Variants in KCNH1 observed in about 807,000 individuals in gnomAD.
KCNH1 encodes the protein voltage-gated delayed rectifier potassium channel KCNH1.
Under a neutral mutation model 69.2 loss-of-function variants are expected in KCNH1, and 27 were observed. That is an observed-to-expected ratio of 0.39 (90% CI 0.29 to 0.54). The LOEUF (loss-of-function observed/expected upper bound fraction) is 0.54. KCNH1 is among the 20% of genes least tolerant of loss of function. The probability of loss-of-function intolerance (pLI) is 0.68; values close to 1 mark genes in which losing one functional copy is unlikely to be tolerated. For missense variants in KCNH1, 798 were observed against 1,261.6 expected (o/e 0.63, Z 5.57); for synonymous variants, 456 against 487.7 (o/e 0.93, Z 0.86).
At chr1:211,012,498 C>T (rs1689412231) in intron 6 of KCNH1, among the ~76,000 whole-genome samples, 1 of 152,096 alleles carries the variant, frequency 6.6e-6, no homozygotes, top group Admixed American at 6.6e-5. Context: ...AATGGAAGAA[C>T]CCTATATGCA....
At chr1:210,688,148 A>G (rs1194875456) in intron 10 of KCNH1, among the ~76,000 whole-genome samples, 7 of 152,218 alleles carry the variant, frequency 4.6e-5, no homozygotes, top group Non-Finnish European at 5.9e-5. Flanking sequence ...AAGACATTAT[A>G]TGCAGCATTT....
At chr1:210,738,028 T>C (rs945779954) in intron 10 of KCNH1, among the ~76,000 whole-genome samples, 1 of 152,320 alleles carries the variant, frequency 6.6e-6, no homozygotes, top group Non-Finnish European at 1.5e-5. Flanking sequence ...GCCTGTAATA[T>C]GTATCAGTTC....
chr1:210,758,940 A>G (rs1455685821), intron 10 of KCNH1, among the ~76,000 whole-genome samples: 1 of 152,146 alleles, frequency 6.6e-6, no homozygotes, highest in Non-Finnish European at 1.5e-5. Context: ...CCTGAATTAC[A>G]TCACCAAACA....
intron 7 of KCNH1, among the ~76,000 whole-genome samples, chr1:210,824,292 G>A (rs935744015): frequency 4.0e-5 from 6 of 150,138 alleles, no homozygotes; most frequent in Non-Finnish European, 7.4e-5. Flanking sequence ...ATTATATATA[G>A]ATGTAGACAT....
chr1:210,759,156 G>GACACAAACACACACACACACAC (rs144332391), intron 10 of KCNH1, among the ~76,000 whole-genome samples: 1 of 148,484 alleles, frequency 6.7e-6, no homozygotes, highest in African/African-American at 2.5e-5. Context: ...CCAAATGATA[G>GACACAAACACACACACACACAC]ACACACACAC....
chr1:210,734,546 A>G (rs1294679236), intron 10 of KCNH1, among the ~76,000 whole-genome samples: 1 of 152,154 alleles, frequency 6.6e-6, no homozygotes, highest in Non-Finnish European at 1.5e-5. Context: ...TTTATTCAAT[A>G]TAATCCCCCG....
intron 9 of KCNH1, among the ~76,000 whole-genome samples, chr1:210,777,229 A>G (rs1683879299): frequency 6.6e-6 from 1 of 152,220 alleles, no homozygotes; most frequent in African/African-American, 2.4e-5. Flanking sequence ...ATCAAAAAGT[A>G]TCCATTCTAA....
At chr1:210,950,472 G>T (rs1688045277) in intron 6 of KCNH1, among the ~76,000 whole-genome samples, 1 of 145,874 alleles carries the variant, frequency 6.9e-6, no homozygotes, top group Admixed American at 7.1e-5. Context: ...TGCAGTGTTT[G>T]GTTTTTTGTT....
chr1:210,743,175 T>C (rs1172038097), intron 10 of KCNH1, among the ~76,000 whole-genome samples: 1 of 121,742 alleles, frequency 8.2e-6, no homozygotes, highest in African/African-American at 3.5e-5. Context: ...ATCCTGGAGC[T>C]AGACGGAGCT....
chr1:210,907,798 G>T (rs184670852), intron 7 of KCNH1, among the ~76,000 whole-genome samples: 1 of 152,306 alleles, frequency 6.6e-6, no homozygotes, highest in Admixed American at 6.5e-5. Context: ...AGTGGCCAGG[G>T]AAGGAGAGCA....
At chr1:211,017,268 G>C (rs1438251402) in intron 6 of KCNH1, among the ~76,000 whole-genome samples, 2 of 152,160 alleles carry the variant, frequency 1.3e-5, no homozygotes, top group Non-Finnish European at 2.9e-5. Context: ...CGCTGGTACT[G>C]ATCTGAAGGC....
intron 7 of KCNH1, chr1:210,860,445 C>T: frequency 1.1e-6 from 1 of 920,394 alleles, no homozygotes; most frequent in East Asian, 2.4e-5. Context: ...CAATTGTATT[C>T]AGAATTCCCA....
At chr1:210,985,576 T>C (rs1021280608) in intron 6 of KCNH1, among the ~76,000 whole-genome samples, 11 of 152,094 alleles carry the variant, frequency 7.2e-5, no homozygotes, top group Non-Finnish European at 1.6e-4. Context: ...GTTCAGTTTC[T>C]ATGTAGTTGA....
chr1:210,710,882 T>G (rs946928014), intron 10 of KCNH1, among the ~76,000 whole-genome samples: 3 of 152,226 alleles, frequency 2.0e-5, no homozygotes. Context: ...GCCAGCCCAC[T>G]GCACTCTACA....
intron 1 of KCNH1, among the ~76,000 whole-genome samples, chr1:211,132,037 A>C (rs1315729543): frequency 1.3e-5 from 2 of 152,242 alleles, no homozygotes; most frequent in Non-Finnish European, 2.9e-5. Flanking sequence ...GTTCCCTTAA[A>C]ACCCAAGGCA....
At chr1:211,008,060 C>G (rs1161157173) in intron 6 of KCNH1, among the ~76,000 whole-genome samples, 2 of 151,994 alleles carry the variant, frequency 1.3e-5, no homozygotes, top group Admixed American at 6.6e-5. Flanking sequence ...TATATATACC[C>G]AAAAGAATTA....
At chr1:210,851,989 A>G (rs539012780) in intron 7 of KCNH1, among the ~76,000 whole-genome samples, 29 of 152,354 alleles carry the variant, frequency 1.9e-4, no homozygotes, top group African/African-American at 7.0e-4. Flanking sequence ...CTTTGCCCCC[A>G]CACAGTTTAA....
At chr1:210,927,269 T>C (rs1334245413) in intron 6 of KCNH1, among the ~76,000 whole-genome samples, 1 of 152,098 alleles carries the variant, frequency 6.6e-6, no homozygotes, top group Non-Finnish European at 1.5e-5. Context: ...CACAGTCATC[T>C]AAAGCCAAGA....
chr1:211,004,904 T>C (rs1205233432), intron 6 of KCNH1, among the ~76,000 whole-genome samples: 2 of 152,040 alleles, frequency 1.3e-5, no homozygotes, highest in African/African-American at 4.8e-5. Context: ...CACTTCACAA[T>C]GTTAAGGTTC....
Sources: gnomAD v4.1 joint callset for allele counts (sites outside exome capture counted in the v4.1 genomes callset) on GRCh38, gnomAD v4.1.1 for gene constraint, MANE v1.5 for transcripts, NCBI Gene and HGNC (gene_info 2026-07-23, HGNC 2026-07-21) for gene names.